The following DCC variants were observed in gnomAD, a reference collection of about 807,000 sequenced individuals.
The protein encoded by DCC is netrin receptor DCC.
Under a neutral mutation model 172.5 loss-of-function variants are expected in DCC, and 58 were observed. The observed-to-expected ratio is 0.34, with a 90% CI of 0.27 to 0.42. DCC has a LOEUF of 0.42. Ranked by LOEUF, DCC falls within the 10% of genes least tolerant of loss-of-function variation. The pLI is 1.00. For synonymous variants in DCC, 709 were observed against 644.5 expected (o/e 1.10, Z -1.52); for missense variants, 1,740 against 1,791.0 (o/e 0.97, Z 0.51).
intron 1 of DCC, among the ~76,000 whole-genome samples, chr18:52,677,485 T>TA (rs1469001352): frequency 2.0e-5 from 3 of 151,924 alleles, no homozygotes; most frequent in Non-Finnish European, 2.9e-5. Flanking sequence ...GCTTCTTTTT[T>TA]TATATATATT....
At chr18:53,495,367 G>T (rs572327574) in intron 26 of DCC, among the ~76,000 whole-genome samples, 20 of 132,894 alleles carry the variant, frequency 1.5e-4, no homozygotes, top group African/African-American at 5.9e-4. Context: ...TCCAGCCTGG[G>T]TAACAGAGCA....
intron 1 of DCC, among the ~76,000 whole-genome samples, chr18:52,426,082 T>C (rs1414843693): frequency 6.6e-6 from 1 of 152,084 alleles, no homozygotes; most frequent in Non-Finnish European, 1.5e-5. Flanking sequence ...TTAGAGATCA[T>C]CTAGGATTAG....
At chr18:52,745,683 C>T (rs1279365475) in intron 1 of DCC, among the ~76,000 whole-genome samples, 1 of 152,148 alleles carries the variant, frequency 6.6e-6, no homozygotes, top group Non-Finnish European at 1.5e-5. Flanking sequence ...AAAATATTCA[C>T]CAAATTATTG....
chr18:52,660,983 A>C (rs898118283), intron 1 of DCC, among the ~76,000 whole-genome samples: 13 of 152,300 alleles, frequency 8.5e-5, no homozygotes, highest in Admixed American at 2.6e-4. Flanking sequence ...TTACTTCTAT[A>C]CCCTCGATGC....
chr18:52,539,427 C>A (rs1327631696), intron 1 of DCC, among the ~76,000 whole-genome samples: 1 of 152,158 alleles, frequency 6.6e-6, no homozygotes, highest in Non-Finnish European at 1.5e-5. Context: ...AGCCACACAG[C>A]AGGAGGTGAG....
chr18:52,638,261 A>C (rs2034820074), intron 1 of DCC, among the ~76,000 whole-genome samples: 1 of 149,578 alleles, frequency 6.7e-6, no homozygotes, highest in South Asian at 2.2e-4. Context: ...AATACCAGTT[A>C]AAAAGCAAAA....
At chr18:53,222,504 C>T (rs1443492733) in intron 12 of DCC, among the ~76,000 whole-genome samples, 4 of 150,998 alleles carry the variant, frequency 2.6e-5, no homozygotes, top group African/African-American at 9.7e-5. Flanking sequence ...TCTGTCTCAG[C>T]CTCCTGAGTA....
intron 1 of DCC, among the ~76,000 whole-genome samples, chr18:52,542,523 T>G (rs978266454): frequency 4.6e-5 from 7 of 152,080 alleles, no homozygotes; most frequent in Admixed American, 3.3e-4. Context: ...TTCTTTGGAA[T>G]TCTAGTCTAA....
At chr18:52,860,305 T>G (rs1253722636) in intron 2 of DCC, among the ~76,000 whole-genome samples, 1 of 152,220 alleles carries the variant, frequency 6.6e-6, no homozygotes, top group African/African-American at 2.4e-5. Flanking sequence ...CTCCGGTGAT[T>G]TCTCCCAACA....
chr18:52,796,990 T>C (rs1371815325), intron 2 of DCC, among the ~76,000 whole-genome samples: 1 of 150,866 alleles, frequency 6.6e-6, no homozygotes, highest in African/African-American at 2.4e-5. Context: ...ACTGGTCACA[T>C]AGGCTTTCTT....
At chr18:52,406,720 T>A (rs565582868) in intron 1 of DCC, among the ~76,000 whole-genome samples, 1 of 152,192 alleles carries the variant, frequency 6.6e-6, no homozygotes, top group African/African-American at 2.4e-5. Flanking sequence ...CTTGTAAAAT[T>A]AAAACAAAAC....
At chr18:53,264,956 G>T (rs771439988) in intron 12 of DCC, among the ~76,000 whole-genome samples, 2 of 152,124 alleles carry the variant, frequency 1.3e-5, no homozygotes, top group Admixed American at 6.5e-5. Flanking sequence ...TGGACTTCTT[G>T]TTGAAACAGA....
At chr18:52,519,086 A>T (rs2031729656) in intron 1 of DCC, among the ~76,000 whole-genome samples, 1 of 152,210 alleles carries the variant, frequency 6.6e-6, no homozygotes, top group South Asian at 2.1e-4. Flanking sequence ...TCCTTAGATG[A>T]TTAGATCTTT....
At position 52,630,429 on chromosome 18, in the gene DCC, C is replaced by T. The variant is rs80107529; in HGVS notation, c.92-121625C>T. 7.1e-3 allele frequency among the ~76,000 whole-genome samples: 1,084 copies of T among 152,270 alleles called. 16 individuals are homozygous for T. Among genetic ancestry groups the T allele is most frequent in the African/African-American group, 0.024 (1,016 of 41,548 alleles). On this transcript the variant is annotated intron_variant, in intron 1 of 28. Coordinates refer to ENST00000442544, the MANE Select transcript of DCC (RefSeq NM_005215.4). ...ATCTTAAGCATCTGACTTCATTTTACTGAGTGTCTGTTTCCTTATTCGTAA... is the reference window on the plus strand; with the variant it reads ...ATCTTAAGCATCTGACTTCATTTTATTGAGTGTCTGTTTCCTTATTCGTAA...
intron 7 of DCC, among the ~76,000 whole-genome samples, chr18:53,087,123 G>A (rs182661978): frequency 2.0e-4 from 31 of 152,094 alleles, no homozygotes; most frequent in African/African-American, 6.8e-4. Context: ...ACCCAGCAAT[G>A]GGATGGCTGG....
At chr18:52,475,483 A>G (rs1157634147) in intron 1 of DCC, among the ~76,000 whole-genome samples, 1 of 152,018 alleles carries the variant, frequency 6.6e-6, no homozygotes, top group Non-Finnish European at 1.5e-5. Context: ...ACAGGAAGGA[A>G]TGGAGTTGAT....
chr18:53,493,727 T>A (rs1199849317), intron 26 of DCC, among the ~76,000 whole-genome samples: 1 of 152,176 alleles, frequency 6.6e-6, no homozygotes, highest in Non-Finnish European at 1.5e-5. Flanking sequence ...CTTGATTCAT[T>A]GATTTTTTGA....
chr18:52,699,975 A>C (rs17682244), intron 1 of DCC, among the ~76,000 whole-genome samples: 1 of 151,878 alleles, frequency 6.6e-6, no homozygotes, highest in Non-Finnish European at 1.5e-5. Flanking sequence ...AAATCTGTGA[A>C]TGAGTTTCCT....
At chr18:53,114,845 G>A (rs534896015) in intron 7 of DCC, among the ~76,000 whole-genome samples, 43 of 151,632 alleles carry the variant, frequency 2.8e-4, no homozygotes, top group African/African-American at 1.0e-3. Flanking sequence ...CGTTTATTTG[G>A]GGACAAATGG....
Sources: allele counts gnomAD v4.1 joint callset (sites outside exome capture counted in the v4.1 genomes callset), GRCh38; gene constraint gnomAD v4.1.1; transcripts MANE v1.5; gene names NCBI Gene and HGNC (gene_info 2026-07-23, HGNC 2026-07-21).